Variants in NDUFB6 observed in about 807,000 individuals in gnomAD.
NDUFB6 encodes the protein NADH:ubiquinone oxidoreductase subunit B6, also known as NADH dehydrogenase [ubiquinone] 1 beta subcomplex subunit 6.
Under a neutral mutation model 17.5 loss-of-function variants are expected in NDUFB6, and 23 were observed. That is an observed-to-expected ratio of 1.31 (90% CI 0.94 to 1.86). NDUFB6 has a LOEUF of 1.86. Among genes scored for constraint, NDUFB6 ranks in the 40% most tolerant of loss-of-function variants. The pLI is 0.00. For synonymous variants in NDUFB6, 60 were observed against 53.5 expected, an observed-to-expected ratio of 1.12 and a Z score of -0.53; for missense variants, 167 against 153.8, an observed-to-expected ratio of 1.09 and a Z score of -0.46.
At chr9:32,569,037 C>T (rs1821884196) in intron 2 of NDUFB6, among the ~76,000 whole-genome samples, 1 of 151,708 alleles carries the variant, frequency 6.6e-6, no homozygotes, top group Non-Finnish European at 1.5e-5. Flanking sequence ...GCGTGGGACA[C>T]CGCGCCCCGC....
At chr9:32,558,261 G>A (rs576199325) in intron 3 of NDUFB6, among the ~76,000 whole-genome samples, 130 of 151,948 alleles carry the variant, frequency 8.6e-4, no homozygotes, top group African/African-American at 2.9e-3. Flanking sequence ...ACAGGCGCCC[G>A]CCACCACGCC....
chr9:32,553,411 G>A lies in NDUFB6; in HGVS notation c.*465C>T, dbSNP rs569721985. 1.7e-5 allele frequency: 3 copies of A among 175,374 alleles called. No homozygotes were observed. The highest frequency in any genetic ancestry group is 1.1e-4 in the South Asian group (1 of 9,188). The allele number at this position is 175,374 out of a possible 1,614,324, so 10.9% of individuals were successfully genotyped here. A position where few individuals can be genotyped will look rare whatever the true frequency, so the allele number is the denominator to read the frequency against. ...TCACTGTGTTAGCCATGATGGTCTC[G>A]ATCTCCTGACTTCGTGATCTGCCCG... On this transcript the variant is annotated 3_prime_UTR_variant, in exon 4 of 4. Transcript: ENST00000379847.
intron 3 of NDUFB6, among the ~76,000 whole-genome samples, chr9:32,556,846 CTTTTTT>C (rs10703297): frequency 2.4e-4 from 20 of 82,384 alleles, no homozygotes; most frequent in South Asian, 1.5e-3. Flanking sequence ...AAATCCCCTA[CTTTTTT>C]TTTTTTTTTT....
intron 2 of NDUFB6, among the ~76,000 whole-genome samples, chr9:32,559,734 C>T (rs894233124): frequency 6.6e-6 from 1 of 152,090 alleles, no homozygotes; most frequent in Non-Finnish European, 1.5e-5. Flanking sequence ...CTAGTTTTTA[C>T]CCTGCTTAAT....
At chr9:32,569,139 A>G (rs1281573252) in intron 2 of NDUFB6, among the ~76,000 whole-genome samples, 1 of 152,160 alleles carries the variant, frequency 6.6e-6, no homozygotes, top group African/African-American at 2.4e-5. Flanking sequence ...TGGAAGCAAG[A>G]CCTTCCATTA....
chr9:32,571,795 T>C (rs1563999168), intron 1 of NDUFB6, among the ~76,000 whole-genome samples: 1 of 152,218 alleles, frequency 6.6e-6, no homozygotes, highest in African/African-American at 2.4e-5. Flanking sequence ...GATGTCAACT[T>C]TAAATCAGTG....
chr9:32,566,355 A>G, intron 2 of NDUFB6: 1 of 1,183,644 alleles, frequency 8.4e-7, no homozygotes, highest in East Asian at 2.3e-5. Flanking sequence ...CAGTGTAGGA[A>G]TGATGGTGCG....
In NDUFB6 at chr9:32,553,006, T is replaced by G; in HGVS notation, c.*870A>C. 1 of 596,336 alleles carries G rather than the reference T, an allele frequency of 1.7e-6. No individual in the cohort carries two copies. The highest frequency in any genetic ancestry group is 3.0e-6 in the Non-Finnish European group (1 of 335,282). The allele number at this position is 596,336 out of a possible 1,614,324, so 36.9% of individuals were successfully genotyped here. A position where few individuals can be genotyped will look rare whatever the true frequency, so the allele number is the denominator to read the frequency against. Reference sequence around the variant, plus strand: ...TAAAAATAAAATTCATAATGCAAAGTTCCCAAGTTTATTTTTGCATTATCC... The same window carrying G: ...TAAAAATAAAATTCATAATGCAAAGGTCCCAAGTTTATTTTTGCATTATCC... On this transcript the variant is annotated 3_prime_UTR_variant, in exon 4 of 4. Transcript: ENST00000379847.
At chr9:32,567,190 C>T (rs762303283) in intron 2 of NDUFB6, 2 of 474,720 alleles carry the variant, frequency 4.2e-6, no homozygotes, top group South Asian at 3.1e-5. Flanking sequence ...GCTGCTCAAG[C>T]TGGTCCAGGC....
chr9:32,567,360 G>A (rs1435681827), intron 2 of NDUFB6: 4 of 468,374 alleles, frequency 8.5e-6, no homozygotes, highest in Admixed American at 2.3e-5. Flanking sequence ...TTTTTCAGAT[G>A]GAGTCTCGCT....
intron 2 of NDUFB6, among the ~76,000 whole-genome samples, chr9:32,560,842 A>G (rs2119012140): frequency 6.6e-6 from 1 of 152,308 alleles, no homozygotes; most frequent in East Asian, 1.9e-4. Flanking sequence ...AGAATTTTAA[A>G]ACTGAATTTA....
intron 2 of NDUFB6, chr9:32,568,379 G>A (rs1206029766): frequency 8.1e-6 from 2 of 246,240 alleles, no homozygotes. Flanking sequence ...GCTCCTTTTG[G>A]ATGAGCAAAC....
intron 2 of NDUFB6, chr9:32,567,634 G>A (rs1240311871): frequency 2.7e-6 from 1 of 364,300 alleles, no homozygotes; most frequent in African/African-American, 2.1e-5. Flanking sequence ...CTCAAACTTT[G>A]TCACTATTGT....
Position 32,553,726 on chromosome 9 carries a change from ACTCAGT to A in NDUFB6, c.*144_*149del. On this transcript the variant is annotated 3_prime_UTR_variant, in exon 4 of 4. Coordinates refer to ENST00000379847, the MANE Select transcript of NDUFB6 (RefSeq NM_002493.5). Reference sequence around the variant, plus strand: ...TCCACTTTTTACTTATTGTTAAATTACTCAGTCTCAAATTGTACAATGCTTGAAAAC... The same window carrying A: ...TCCACTTTTTACTTATTGTTAAATTACTCAAATTGTACAATGCTTGAAAAC... 1.7e-6 allele frequency: 1 copy of A among 591,196 alleles called. No individual in the cohort carries two copies. The highest frequency in any genetic ancestry group is 3.0e-6 in the Non-Finnish European group (1 of 331,278). 36.6% of individuals were successfully genotyped at this position (591,196 alleles called of 1,614,324 possible). A position where few individuals can be genotyped will look rare whatever the true frequency, so the allele number is the denominator to read the frequency against.
At chr9:32,571,825 T>C (rs574809953) in intron 1 of NDUFB6, among the ~76,000 whole-genome samples, 85 of 152,338 alleles carry the variant, frequency 5.6e-4, no homozygotes, top group East Asian at 4.0e-3. Flanking sequence ...ATTCCGATAA[T>C]GTCAGGGATA....
Position 32,553,338 on chromosome 9 carries a change from G to T in NDUFB6, c.*538C>A. On this transcript the variant is annotated 3_prime_UTR_variant, in exon 4 of 4. Coordinates refer to ENST00000379847, the MANE Select transcript of NDUFB6 (RefSeq NM_002493.5). ...GCAGTAGCTGGGACTACAGGAGCCC[G>T]CCACCACGCCCGGCTAATTTTTTTG... 6.0e-6 allele frequency: 1 copy of T among 168,010 alleles called. No homozygotes were observed. Among genetic ancestry groups the T allele is most frequent in the Non-Finnish European group, 1.3e-5 (1 of 77,722 alleles). The allele number at this position is 168,010 out of a possible 1,614,324, so 10.4% of individuals were successfully genotyped here. A position where few individuals can be genotyped will look rare whatever the true frequency, so the allele number is the denominator to read the frequency against.
chr9:32,568,730 G>GTATATATATA, intron 2 of NDUFB6: 1 of 80,646 alleles, frequency 1.2e-5, no homozygotes. Flanking sequence ...GTGTGTGTGT[G>GTATATATATA]CATATATATA....
intron 3 of NDUFB6, among the ~76,000 whole-genome samples, chr9:32,555,955 C>G (rs576658792): frequency 3.3e-5 from 5 of 152,246 alleles, no homozygotes; most frequent in Non-Finnish European, 7.3e-5. Context: ...AATTCTACCA[C>G]TGAACAATGG....
intron 3 of NDUFB6, among the ~76,000 whole-genome samples, chr9:32,555,357 TCAAA>T (rs946132684): frequency 6.6e-6 from 1 of 152,094 alleles, no homozygotes; most frequent in African/African-American, 2.4e-5. Context: ...CCAATAAAAC[TCAAA>T]CAGAGGGACA....
Sources: allele counts gnomAD v4.1 joint callset (sites outside exome capture counted in the v4.1 genomes callset), GRCh38; gene constraint gnomAD v4.1.1; transcripts MANE v1.5; gene names NCBI Gene and HGNC (gene_info 2026-07-23, HGNC 2026-07-21).